CNTN4: variants seen among roughly 807,000 people sequenced by gnomAD.
The protein encoded by CNTN4 is contactin-4.
A neutral mutation model predicts 122.5 loss-of-function variants in CNTN4; 77 were observed. The observed-to-expected ratio is 0.63, with a 90% CI of 0.52 to 0.76. The LOEUF (loss-of-function observed/expected upper bound fraction) is 0.76, where lower values mean the gene tolerates loss of function less well. CNTN4 is among the 30% of genes least tolerant of loss of function. The probability of loss-of-function intolerance (pLI) is 0.00; values close to 1 mark genes in which losing one functional copy is unlikely to be tolerated. For missense variants in CNTN4, 1,256 were observed against 1,259.1 expected, an observed-to-expected ratio of 1.00 and a Z score of 0.04; for synonymous variants, 512 against 447.0, an observed-to-expected ratio of 1.15 and a Z score of -1.83.
intron 13 of CNTN4, among the ~76,000 whole-genome samples, chr3:2,938,403 T>A (rs1176609889): frequency 6.6e-6 from 1 of 152,176 alleles, no homozygotes; most frequent in South Asian, 2.1e-4. Context: ...TGTTATGGGA[T>A]CAGTCCTATT....
At chr3:3,049,128 G>C (rs1199256925) in intron 23 of CNTN4, among the ~76,000 whole-genome samples, 1 of 152,222 alleles carries the variant, frequency 6.6e-6, no homozygotes, top group Non-Finnish European at 1.5e-5. Context: ...TGTCACGCAA[G>C]GTGGAGTGTA....
chr3:2,120,350 GTTATATATATATATATATATATAAA>G (rs2033639314), intron 2 of CNTN4, among the ~76,000 whole-genome samples: 1 of 37,708 alleles, frequency 2.7e-5, no homozygotes, highest in South Asian at 6.5e-4. Context: ...AGGCATTTAG[GTTATATATATATATATATATATAAA>G]TATATATATA....
chr3:2,937,528 G>T (rs1479696362), intron 13 of CNTN4, among the ~76,000 whole-genome samples: 2 of 152,166 alleles, frequency 1.3e-5, no homozygotes, highest in African/African-American at 4.8e-5. Flanking sequence ...TTTTATACAG[G>T]TGCTTTAAGT....
chr3:2,677,832 CA>C (rs2084955758), intron 4 of CNTN4, among the ~76,000 whole-genome samples: 2 of 152,046 alleles, frequency 1.3e-5, no homozygotes, highest in South Asian at 4.1e-4. Context: ...TGCATCTTAT[CA>C]TGCACAAGTC....
intron 4 of CNTN4, among the ~76,000 whole-genome samples, chr3:2,711,216 T>A (rs923733481): frequency 1.3e-5 from 2 of 152,072 alleles, no homozygotes; most frequent in Non-Finnish European, 2.9e-5. Flanking sequence ...TAAGTGAAGC[T>A]GGCTAGGTAG....
intron 4 of CNTN4, among the ~76,000 whole-genome samples, chr3:2,593,842 C>T (rs368991580): frequency 6.6e-6 from 1 of 152,152 alleles, no homozygotes; most frequent in African/African-American, 2.4e-5. Flanking sequence ...CCATCACCAT[C>T]TGAAGTCGTC....
intron 2 of CNTN4, among the ~76,000 whole-genome samples, chr3:2,114,526 A>G (rs2125154454): frequency 6.6e-6 from 1 of 152,254 alleles, no homozygotes. Context: ...CTTATGAGGA[A>G]AAATGGCAAG....
intron 12 of CNTN4, among the ~76,000 whole-genome samples, chr3:2,923,838 G>C (rs533193804): frequency 6.6e-6 from 1 of 151,878 alleles, no homozygotes; most frequent in Non-Finnish European, 1.5e-5. Flanking sequence ...TAGTGTTCTC[G>C]TTACATAAAT....
chr3:2,769,786 C>A (rs750511287), intron 6 of CNTN4, among the ~76,000 whole-genome samples: 2 of 152,168 alleles, frequency 1.3e-5, no homozygotes, highest in Non-Finnish European at 2.9e-5. Flanking sequence ...TTCTTGCCTG[C>A]AGCACAGGCC....
chr3:2,634,567 A>C (rs1236364632), intron 4 of CNTN4, among the ~76,000 whole-genome samples: 1 of 151,986 alleles, frequency 6.6e-6, no homozygotes, highest in Admixed American at 6.6e-5. Flanking sequence ...ACAGTGGCTC[A>C]GGCCTGTAAT....
intron 3 of CNTN4, among the ~76,000 whole-genome samples, chr3:2,485,437 C>A (rs2076127977): frequency 6.6e-6 from 1 of 152,256 alleles, no homozygotes; most frequent in Non-Finnish European, 1.5e-5. Flanking sequence ...ATACACCAAG[C>A]AGCACTCTGT....
In CNTN4 at chr3:2,712,237, A is replaced by G. The variant is rs139779963; in HGVS notation, c.56-23978A>G. Among the ~76,000 whole-genome samples the G allele has an allele frequency of 3.7e-3, 565 of 152,336 alleles. 6 individuals carry two copies. Among genetic ancestry groups the G allele is most frequent in the African/African-American group, 0.013 (521 of 41,572 alleles). On this transcript the variant is annotated intron_variant, in intron 4 of 24. Coordinates refer to ENST00000418658, the MANE Select transcript of CNTN4 (RefSeq NM_175607.3). ...AAAACACCAAAAGTATCTGTTAAAG[A>G]GGTGAAATTAGAAGTGATTTTTTAA...
At chr3:2,170,098 G>C (rs1209053485) in intron 2 of CNTN4, among the ~76,000 whole-genome samples, 2 of 151,742 alleles carry the variant, frequency 1.3e-5, no homozygotes, top group Admixed American at 1.3e-4. Context: ...GAGGCGGGAG[G>C]ATCACAAGGT....
intron 2 of CNTN4, among the ~76,000 whole-genome samples, chr3:2,169,542 GA>G (rs2036357312): frequency 9.1e-6 from 1 of 110,350 alleles, no homozygotes; most frequent in African/African-American, 3.1e-5. Context: ...GAGTAGCTGG[GA>G]CTACAGGCGC....
intron 3 of CNTN4, among the ~76,000 whole-genome samples, chr3:2,363,568 G>C (rs1264360100): frequency 6.6e-6 from 1 of 152,134 alleles, no homozygotes; most frequent in African/African-American, 2.4e-5. Context: ...TATTTTATAT[G>C]TGTAGAATCT....
chr3:2,153,022 A>G (rs2035563571), intron 2 of CNTN4, among the ~76,000 whole-genome samples: 1 of 152,172 alleles, frequency 6.6e-6, no homozygotes, highest in Admixed American at 6.5e-5. Context: ...CAGAATCAAG[A>G]GAATTAATAG....
intron 2 of CNTN4, among the ~76,000 whole-genome samples, chr3:2,141,773 A>G (rs1345949269): frequency 1.3e-5 from 2 of 152,048 alleles, no homozygotes; most frequent in Non-Finnish European, 2.9e-5. Context: ...GAATTACCCC[A>G]TACTGGTGTT....
rs529564980 is a variant in CNTN4 at position 2,290,898 on chromosome 3, G to A, written c.-144-48280G>A. Among the ~76,000 whole-genome samples the A allele has an allele frequency of 4.3e-4, 65 of 150,718 alleles. No individual in the cohort carries two copies. The Middle Eastern group carries it at 0.02, about 47-fold the overall frequency. On this transcript the variant is annotated intron_variant, in intron 2 of 24. Coordinates refer to ENST00000418658, the MANE Select transcript of CNTN4 (RefSeq NM_175607.3). ...AGTTTATTGTGGCTAAAATGACCACGTTTTTCAAAGAAAAATCGACACTAT... is the reference window on the plus strand; with the variant it reads ...AGTTTATTGTGGCTAAAATGACCACATTTTTCAAAGAAAAATCGACACTAT...
chr3:2,253,962 C>T (rs1356520864), intron 2 of CNTN4, among the ~76,000 whole-genome samples: 1 of 152,064 alleles, frequency 6.6e-6, no homozygotes. Context: ...CATAGGTATA[C>T]ACGTGCCATG....
Sources: allele counts gnomAD v4.1 joint callset (sites outside exome capture counted in the v4.1 genomes callset), GRCh38; gene constraint gnomAD v4.1.1; transcripts MANE v1.5; gene names NCBI Gene and HGNC (gene_info 2026-07-23, HGNC 2026-07-21).